Variants in TRHDE observed in about 807,000 individuals in gnomAD.
TRHDE encodes the protein thyrotropin-releasing hormone-degrading ectoenzyme.
TRHDE carries 72 observed loss-of-function variants against 125.7 expected under a neutral mutation model. The ratio of observed to expected loss-of-function variants is 0.57; its 90% CI spans 0.47 to 0.70. The LOEUF (loss-of-function observed/expected upper bound fraction) is 0.70. Among genes scored for constraint, TRHDE ranks in the 30% least tolerant of loss-of-function variants. The pLI, the probability that TRHDE is intolerant of heterozygous loss-of-function variation, is 0.00. For missense variants in TRHDE, 1,110 were observed against 1,327.1 expected, an observed-to-expected ratio of 0.84 and a Z score of 2.54; for synonymous variants, 509 against 509.1, an observed-to-expected ratio of 1.00 and a Z score of 0.00.
chr12:72,557,194 A>G (rs1869966222), intron 7 of TRHDE, among the ~76,000 whole-genome samples: 1 of 152,182 alleles, frequency 6.6e-6, no homozygotes, highest in South Asian at 2.1e-4. Context: ...TTTGAGGGGA[A>G]GTTTTCCTGA....
intron 2 of TRHDE, among the ~76,000 whole-genome samples, chr12:72,373,351 C>T (rs1366168935): frequency 1.3e-5 from 2 of 152,158 alleles, no homozygotes; most frequent in African/African-American, 4.8e-5. Context: ...GACAATTTGA[C>T]TTCCTCTTTT....
At chr12:72,149,479 A>C (rs900116987) in intron 2 of TRHDE, among the ~76,000 whole-genome samples, 26 of 152,240 alleles carry the variant, frequency 1.7e-4, no homozygotes, top group African/African-American at 6.0e-4. Flanking sequence ...AAAAAATTTC[A>C]CTAGTTTCTC....
chr12:72,243,055 G>A (rs753764965), intron 2 of TRHDE, among the ~76,000 whole-genome samples: 1 of 152,186 alleles, frequency 6.6e-6, no homozygotes, highest in Admixed American at 6.5e-5. Context: ...ATATCAAGAT[G>A]TGACATCTGG....
At chr12:72,087,887 G>T (rs762398690) in intron 1 of TRHDE, among the ~76,000 whole-genome samples, 1 of 152,114 alleles carries the variant, frequency 6.6e-6, no homozygotes, top group Non-Finnish European at 1.5e-5. Flanking sequence ...CCGAGGTGTA[G>T]GAGAACAGGA....
chr12:72,306,267 A>G (rs1182190900), intron 2 of TRHDE, among the ~76,000 whole-genome samples: 2 of 152,208 alleles, frequency 1.3e-5, no homozygotes, highest in African/African-American at 2.4e-5. Context: ...ACTAAAAGAC[A>G]GTGTTCATTG....
intron 15 of TRHDE, among the ~76,000 whole-genome samples, chr12:72,645,311 T>A (rs1874236891): frequency 2.0e-5 from 3 of 152,190 alleles, no homozygotes; most frequent in African/African-American, 7.2e-5. Context: ...AACAACACAA[T>A]AACGTAACTG....
chr12:72,400,471 A>T (rs1872994869), intron 3 of TRHDE, among the ~76,000 whole-genome samples: 1 of 152,172 alleles, frequency 6.6e-6, no homozygotes, highest in Admixed American at 6.5e-5. Context: ...TCTCAGTGTA[A>T]ACTGGTGTTT....
chr12:72,660,711 A>G (rs138444056), intron 18 of TRHDE, among the ~76,000 whole-genome samples: 2 of 152,322 alleles, frequency 1.3e-5, no homozygotes, highest in East Asian at 1.9e-4. Flanking sequence ...AATTTGTATT[A>G]TAACTATTCT....
At position 72,278,300 on chromosome 12, in the gene TRHDE, A is replaced by G. The variant is rs1879565050; in HGVS notation, c.914+4743A>G. Among the ~76,000 whole-genome samples the G allele has an allele frequency of 2.0e-5, 3 of 152,070 alleles. No homozygotes were observed. The South Asian group carries it at 6.2e-4, about 32-fold the overall frequency. ...TCTGTTTATGGCTGAATGGTATTTC[A>G]TTAGTGTATGTATACATTTTCTTTA... On this transcript the variant is annotated intron_variant, in intron 1 of 18. Coordinates refer to ENST00000261180, the MANE Select transcript of TRHDE (RefSeq NM_013381.3).
chr12:72,577,792 A>G (rs1410568606), intron 12 of TRHDE, among the ~76,000 whole-genome samples: 7 of 152,128 alleles, frequency 4.6e-5, no homozygotes, highest in Non-Finnish European at 8.8e-5. Flanking sequence ...CCAATTTTGC[A>G]TGCTTTCAAT....
chr12:72,478,813 T>G (rs1327471190), intron 5 of TRHDE, among the ~76,000 whole-genome samples: 1 of 150,508 alleles, frequency 6.6e-6, no homozygotes, highest in African/African-American at 2.4e-5. Context: ...AAACTAGAAC[T>G]CTAAGTGTGT....
At chr12:72,517,059 A>G (rs1368176827) in intron 6 of TRHDE, among the ~76,000 whole-genome samples, 1 of 151,936 alleles carries the variant, frequency 6.6e-6, no homozygotes, top group Non-Finnish European at 1.5e-5. Context: ...TATTTTATTG[A>G]GTATTTTGGC....
chr12:72,148,627 A>G lies in TRHDE; in HGVS notation n.279+42875A>G, dbSNP rs1413456262. Among the ~76,000 whole-genome samples, 3 of 152,350 alleles carry G rather than the reference A, an allele frequency of 2.0e-5. No individual in the cohort carries two copies. In the East Asian group the frequency reaches 5.8e-4, roughly 29 times the overall value. ...CATAGCCTCTGATCCTGCCAAGGAA[A>G]GAACCCCAACAGTGTGGTTAGCTGC... On this transcript the variant is annotated intron_variant and non_coding_transcript_variant, in intron 2 of 4. Coordinates refer to the TRHDE transcript ENST00000548156.
At chr12:72,610,410 A>C (rs1345526723) in intron 12 of TRHDE, among the ~76,000 whole-genome samples, 1 of 152,216 alleles carries the variant, frequency 6.6e-6, no homozygotes, top group Non-Finnish European at 1.5e-5. Flanking sequence ...CATATTTCAC[A>C]TCCTTCTCAT....
intron 6 of TRHDE, among the ~76,000 whole-genome samples, chr12:72,539,846 A>T (rs998405021): frequency 6.6e-6 from 1 of 151,844 alleles, no homozygotes; most frequent in Non-Finnish European, 1.5e-5. Flanking sequence ...TCTTGCAGAA[A>T]TAGTATGTCT....
chr12:72,273,747 G>A lies in TRHDE; in HGVS notation c.914+190G>A. ...CCAGATGCCTCGGGGTCTCGCTGCC[G>A]CCAACTTCGCAAACTGACTCACCGG... is the stretch of plus-strand genomic sequence containing the variant. On this transcript the variant is annotated intron_variant, in intron 1 of 18. Coordinates refer to ENST00000261180, the MANE Select transcript of TRHDE (RefSeq NM_013381.3). This position sits in a 1 kb window ranked among gnomAD's most constrained non-coding sequence, Gnocchi z 5.3. 2 of 565,586 alleles carry A rather than the reference G, an allele frequency of 3.5e-6. No individual in the cohort carries two copies. Among genetic ancestry groups the A allele is most frequent in the Non-Finnish European group, 3.1e-6 (1 of 320,648 alleles). 35.0% of individuals were successfully genotyped at this position (565,586 alleles called of 1,614,324 possible).
At chr12:72,182,038 A>G (rs1049972255) in intron 2 of TRHDE, among the ~76,000 whole-genome samples, 3 of 152,218 alleles carry the variant, frequency 2.0e-5, no homozygotes, top group Admixed American at 6.5e-5. Context: ...ATTGAGAGCC[A>G]TCCTGTCACT....
chr12:72,456,020 T>C (rs964551558), intron 3 of TRHDE, among the ~76,000 whole-genome samples: 2 of 151,558 alleles, frequency 1.3e-5, no homozygotes, highest in Admixed American at 1.3e-4. Flanking sequence ...CACACATATA[T>C]TTTGATTTCT....
chr12:72,453,817 G>A (rs1283811916), intron 3 of TRHDE, among the ~76,000 whole-genome samples: 1 of 152,198 alleles, frequency 6.6e-6, no homozygotes, highest in Non-Finnish European at 1.5e-5. Context: ...CCCGGGTACA[G>A]CTCAGACCAC....
Sources: gnomAD v4.1 joint callset for allele counts (sites outside exome capture counted in the v4.1 genomes callset) on GRCh38, gnomAD v4.1.1 for gene constraint, Gnocchi (gnomAD v3.1) non-coding constraint, MANE v1.5 for transcripts, NCBI Gene and HGNC (gene_info 2026-07-23, HGNC 2026-07-21) for gene names.